Variants in SRRM3 observed in about 807,000 individuals in gnomAD.
The protein encoded by SRRM3 is serine/arginine repetitive matrix protein 3.
SRRM3 carries 27 observed loss-of-function variants against 66.2 expected under a neutral mutation model. The observed-to-expected ratio is 0.41, with a 90% CI of 0.30 to 0.56. The LOEUF (loss-of-function observed/expected upper bound fraction) is 0.56. SRRM3 is among the 20% of genes least tolerant of loss of function. SRRM3 has a pLI of 0.32. For synonymous variants in SRRM3, 391 were observed against 414.9 expected, an observed-to-expected ratio of 0.94 and a Z score of 0.70; for missense variants, 918 against 991.9, an observed-to-expected ratio of 0.93 and a Z score of 1.00.
Position 76,248,434 on chromosome 7 carries a change from G to C in SRRM3, c.335+145G>C, listed in dbSNP as rs1339978637. 4.8e-6 allele frequency: 3 copies of C among 630,782 alleles called. No homozygotes were observed. The African/African-American group carries it at 5.5e-5, about 12-fold the overall frequency. 39.1% of individuals were successfully genotyped at this position (630,782 alleles called of 1,614,324 possible). On this transcript the variant is annotated intron_variant, in intron 3 of 14. Transcript: ENST00000611745. Reference sequence around the variant, plus strand: ...AGGAAGAAGATAAGGAGAAGGAGAGGAGAGCATGGTCTCTGCCCACTGGAA... The same window carrying C: ...AGGAAGAAGATAAGGAGAAGGAGAGCAGAGCATGGTCTCTGCCCACTGGAA...
intron 1 of SRRM3, among the ~76,000 whole-genome samples, chr7:76,208,438 G>A (rs1800351656): frequency 2.6e-5 from 4 of 151,960 alleles, no homozygotes. Context: ...GGAGGCTGAG[G>A]TGGGAGGATC....
rs1406769575 is a variant in SRRM3 at position 76,282,607 on chromosome 7, C to T, written c.1371-41C>T. The T allele has an allele frequency of 9.4e-6, 11 of 1,172,230 alleles. No homozygotes were observed. In the African/African-American group the frequency reaches 1.3e-4, roughly 14 times the overall value. The allele number at this position is 1,172,230 out of a possible 1,614,324, so 72.6% of individuals were successfully genotyped here. ...CCCTCCCCGCCCCCAGCCCCCTTTC[C>T]GGGTCGCTGAGCCCTATCCCGCGCC... On this transcript the variant is annotated intron_variant, in intron 12 of 14. Coordinates refer to ENST00000611745, the MANE Select transcript of SRRM3 (RefSeq NM_001110199.3).
chr7:76,210,978 G>C (rs112208743), intron 1 of SRRM3, among the ~76,000 whole-genome samples: 1 of 151,942 alleles, frequency 6.6e-6, no homozygotes, highest in Non-Finnish European at 1.5e-5. Flanking sequence ...AATTTTTTTT[G>C]TGTGTGTGTA....
chr7:76,231,697 G>T (rs1801020655), intron 1 of SRRM3, among the ~76,000 whole-genome samples: 1 of 152,238 alleles, frequency 6.6e-6, no homozygotes, highest in South Asian at 2.1e-4. Context: ...GGAGTTACAA[G>T]CAAACAGCCA....
chr7:76,236,139 C>T (rs1439049325), intron 2 of SRRM3, among the ~76,000 whole-genome samples: 2 of 151,118 alleles, frequency 1.3e-5, no homozygotes, highest in Admixed American at 1.3e-4. Context: ...GGAGAAACCC[C>T]GTCTTTACTG....
At chr7:76,262,489 T>C (rs1354022475) in intron 8 of SRRM3, among the ~76,000 whole-genome samples, 1 of 124,598 alleles carries the variant, frequency 8.0e-6, no homozygotes, top group Non-Finnish European at 1.6e-5. Flanking sequence ...CACTCCAGCC[T>C]GGGTGACACA....
At position 76,282,747 on chromosome 7, in the gene SRRM3, C is replaced by T; in HGVS notation, c.1470C>T (p.Arg490=). The T allele has an allele frequency of 6.9e-7, 1 of 1,459,570 alleles. No homozygotes were observed. The highest frequency in any genetic ancestry group is 9.0e-7 in the Non-Finnish European group (1 of 1,111,420). The allele number at this position is 1,459,570 out of a possible 1,614,324, so 90.4% of individuals were successfully genotyped here. The change falls in exon 13 of 15, where the codon CGC becomes CGT. Residue 490 remains arginine, a synonymous_variant. Coordinates refer to ENST00000611745, the MANE Select transcript of SRRM3 (RefSeq NM_001110199.3). ...GCCCAGAAGGGAAGAGCTCGTCGCG[C>T]AGCCCCGGCCCGCACCCCCGCTCCT... ...RGGPEGKSSS[R]SPGPHPRSWS... is the part of the protein sequence containing the mutation.
At chr7:76,273,521 C>G (rs1554610768) in intron 11 of SRRM3, 1 of 152,224 alleles carries the variant, frequency 6.6e-6, no homozygotes, top group African/African-American at 2.4e-5. Flanking sequence ...CTGTCTTTCC[C>G]CCATTCTGCA....
intron 3 of SRRM3, among the ~76,000 whole-genome samples, chr7:76,253,787 C>T (rs1316229831): frequency 7.7e-5 from 5 of 64,764 alleles, no homozygotes; most frequent in East Asian, 8.1e-4. Flanking sequence ...AACTCTGTTT[C>T]AAAAAAAAAA....
Position 76,281,758 on chromosome 7 carries a change from G to T in SRRM3, c.1326G>T (p.Gly442=). 2 of 1,375,118 alleles carry T rather than the reference G, an allele frequency of 1.5e-6. No homozygotes were observed. The highest frequency in any genetic ancestry group is 1.9e-6 in the Non-Finnish European group (2 of 1,063,042). 85.2% of individuals were successfully genotyped at this position (1,375,118 alleles called of 1,614,324 possible). The change falls in exon 12 of 15, where the codon GGG becomes GGT. Residue 442 remains glycine (G), a synonymous_variant. Transcript: ENST00000611745. ...SGSGRGAPGP[G]PEPGSERGHG... ...GCGGCCGCGGCGCCCCCGGCCCCGG[G>T]CCCGAGCCCGGCTCTGAGCGAGGCC...
chr7:76,282,892 G>T lies in SRRM3; in HGVS notation c.1595+20G>T. 3.8e-6 allele frequency: 5 copies of T among 1,321,314 alleles called. No homozygotes were observed. The highest frequency in any genetic ancestry group is 9.6e-7 in the Non-Finnish European group (1 of 1,041,904). 81.8% of individuals were successfully genotyped at this position (1,321,314 alleles called of 1,614,324 possible). A position where few individuals can be genotyped will look rare whatever the true frequency, so the allele number is the denominator to read the frequency against. Reference sequence around the variant, plus strand: ...CAGCCGGTGAGTGCCCGCCCGGACCGGGCCGACGGGGCGGGCGGCGGGGTG... The same window carrying T: ...CAGCCGGTGAGTGCCCGCCCGGACCTGGCCGACGGGGCGGGCGGCGGGGTG... On this transcript the variant is annotated intron_variant, in intron 13 of 14. Transcript: ENST00000611745.
intron 1 of SRRM3, among the ~76,000 whole-genome samples, chr7:76,210,013 T>C (rs1287546308): frequency 6.6e-6 from 1 of 151,940 alleles, no homozygotes; most frequent in African/African-American, 2.4e-5. Context: ...TGCAATAGGG[T>C]AGGAGGCAGA....
intron 1 of SRRM3, among the ~76,000 whole-genome samples, chr7:76,212,053 C>T (rs1002629383): frequency 6.6e-6 from 1 of 151,042 alleles, no homozygotes; most frequent in Non-Finnish European, 1.5e-5. Flanking sequence ...CAAAACTCAG[C>T]CTGTTGCCCA....
chr7:76,259,834 C>A, intron 3 of SRRM3, 72 bp from the exon 4 acceptor site: 2 of 1,529,972 alleles, frequency 1.3e-6, no homozygotes, highest in Non-Finnish European at 1.7e-6. Context: ...CTAGGTCAGG[C>A]CCCCTGCGCC....
intron 6 of SRRM3, 110 bp downstream of exon 6, chr7:76,261,013 C>G (rs1801849433): frequency 1.7e-6 from 2 of 1,175,140 alleles, no homozygotes; most frequent in Non-Finnish European, 2.4e-6. Context: ...GGGCCTGCAC[C>G]TGGACACTGC....
At chr7:76,242,250 T>C (rs150502698) in intron 2 of SRRM3, among the ~76,000 whole-genome samples, 11,984 of 152,130 alleles carry the variant, frequency 0.079, 1,113 homozygotes, top group African/African-American at 0.22. Flanking sequence ...TTTGGGAGGC[T>C]GAGGTGGGTG....
chr7:76,206,118 C>A (rs1183459033), intron 1 of SRRM3, among the ~76,000 whole-genome samples: 1 of 152,180 alleles, frequency 6.6e-6, no homozygotes, highest in African/African-American at 2.4e-5. Context: ...AGTGATCCTC[C>A]CGCCTCAGCC....
intron 1 of SRRM3, among the ~76,000 whole-genome samples, chr7:76,226,034 C>T (rs1800857285): frequency 6.6e-6 from 1 of 152,188 alleles, no homozygotes; most frequent in Admixed American, 6.5e-5. Context: ...CATTCCCTCT[C>T]CCCCAGACCT....
chr7:76,233,864 CT>C (rs1317809025), intron 1 of SRRM3, among the ~76,000 whole-genome samples: 1 of 152,156 alleles, frequency 6.6e-6, no homozygotes, highest in Non-Finnish European at 1.5e-5. Flanking sequence ...ACTCTGTCCC[CT>C]TCAGAGCCTC....
Sources: gnomAD v4.1 joint callset for allele counts (sites outside exome capture counted in the v4.1 genomes callset) on GRCh38, gnomAD v4.1.1 for gene constraint, MANE v1.5 for transcripts, NCBI Gene and HGNC (gene_info 2026-07-23, HGNC 2026-07-21) for gene names.